Variants in CHST15 observed in about 807,000 individuals in gnomAD.
CHST15 encodes B cell RAG associated protein (GALNAC4S-6ST).
A neutral mutation model predicts 53.6 loss-of-function variants in CHST15; 30 were observed. The observed-to-expected ratio is 0.56, with a 90% confidence interval of 0.42 to 0.76. The LOEUF is 0.76. Among genes scored for constraint, CHST15 ranks in the 30% least tolerant of loss-of-function variants. CHST15 has a pLI of 0.00. For synonymous variants in CHST15, 296 were observed against 289.8 expected, an observed-to-expected ratio of 1.02 and a Z score of -0.22; for missense variants, 627 against 740.5, an observed-to-expected ratio of 0.85 and a Z score of 1.78.
rs528516917 is a variant in CHST15, at chr10:124,007,833, A to G, written c.*2316T>C. The stretch of plus-strand genomic sequence containing the variant: ...ACGGTCACAACTTTTGAGAACAAAA[A>G]GGAACTTCAATACCATGTTGTGAGA... On this transcript the variant is annotated 3_prime_UTR_variant, in exon 8 of 8. Transcript: ENST00000435907. The G allele has an allele frequency of 1.6e-5, 20 of 1,232,202 alleles. No homozygotes were observed. In the Admixed American group the frequency reaches 5.9e-4, roughly 36 times the overall value. 76.3% of individuals were successfully genotyped at this position (1,232,202 alleles called of 1,614,324 possible). A position where few individuals can be genotyped will look rare whatever the true frequency, so the allele number is the denominator to read the frequency against.
At chr10:124,090,341 C>T (rs1316852341) in intron 1 of CHST15, among the ~76,000 whole-genome samples, 4 of 152,222 alleles carry the variant, frequency 2.6e-5, no homozygotes, top group Non-Finnish European at 5.9e-5. Context: ...GGCATGTGCT[C>T]ACCTGTTCAG....
chr10:124,034,744 TCCACCCCCTAACAGGGACGCC>T, intron 5 of CHST15, among the ~76,000 whole-genome samples: 1 of 120,038 alleles, frequency 8.3e-6, no homozygotes, highest in Non-Finnish European at 1.7e-5. Context: ...GGACCCCGGC[TCCACCCCCTAACAGGGACGCC>T]GGCTCCACCC....
chr10:124,038,249 GGA>G (rs1564872577), intron 5 of CHST15, among the ~76,000 whole-genome samples: 3 of 151,982 alleles, frequency 2.0e-5, no homozygotes, highest in East Asian at 1.9e-4. Flanking sequence ...TGGGACTATA[GGA>G]GTGTGCCACC....
rs190772079 is a variant in CHST15, at chr10:124,035,109, C to T, written c.1190+3406G>A. On this transcript the variant is annotated intron_variant, in intron 5 of 7. Coordinates refer to ENST00000435907, the MANE Select transcript of CHST15 (RefSeq NM_001270764.2). Reference sequence around the variant, plus strand: ...CCGGCTCCACCCCTAACAGGGACCCCGGCTCCGCCCCCTAACAGGGACCCC... The same window carrying T: ...CCGGCTCCACCCCTAACAGGGACCCTGGCTCCGCCCCCTAACAGGGACCCC... Among the ~76,000 whole-genome samples, 710 of 128,620 alleles carry T rather than the reference C, an allele frequency of 5.5e-3. 18 individuals are homozygous for T. The highest frequency in any genetic ancestry group is 0.021 in the African/African-American group (663 of 32,114). The allele number at this position is 128,620 out of a possible 152,430, so 84.4% of individuals were successfully genotyped here.
rs1347497960 is a variant in CHST15, at chr10:124,019,337, C to G, written c.1347+1919G>C. Among the ~76,000 whole-genome samples the G allele has an allele frequency of 6.6e-6, 1 of 152,172 alleles. No homozygotes were observed. The highest frequency in any genetic ancestry group is 2.4e-5 in the African/African-American group (1 of 41,438). ...GACCGGGTGGGCTGCCCTGCCTGCTCTCTCAGACTCACTCCGTAGGGGTCC... is the reference window on the plus strand; with the variant it reads ...GACCGGGTGGGCTGCCCTGCCTGCTGTCTCAGACTCACTCCGTAGGGGTCC... On this transcript the variant is annotated intron_variant, in intron 6 of 7. Transcript: ENST00000435907. The surrounding 1 kb of genome is among the most constrained non-coding windows in gnomAD (Gnocchi z 4.6).
intron 1 of CHST15, among the ~76,000 whole-genome samples, chr10:124,082,464 C>T (rs753644923): frequency 6.6e-6 from 1 of 152,106 alleles, no homozygotes; most frequent in African/African-American, 2.4e-5. Flanking sequence ...ACAGGGGGAT[C>T]GGGATCCCAT....
intron 6 of CHST15, chr10:124,020,120 C>T (rs1357480549): frequency 1.0e-6 from 1 of 985,440 alleles, no homozygotes; most frequent in Admixed American, 6.1e-5. Context: ...ATTGCTGTGG[C>T]CCCAGGACCC....
At chr10:124,061,942 T>C (rs540180324) in intron 1 of CHST15, among the ~76,000 whole-genome samples, 90 of 152,096 alleles carry the variant, frequency 5.9e-4, no homozygotes, top group African/African-American at 2.1e-3. Flanking sequence ...CAAGCTGCAC[T>C]GTGTCCCCTC....
rs34389704 is a variant in CHST15 at position 124,044,776 on chromosome 10, G to C, written c.690C>G (p.Asp230Glu). Residue 230 changes from aspartate (D) to glutamate (E), a missense_variant, in exon 3 of 8, where the codon GAC becomes GAG. This residue lies in a region of CHST15 where 161 missense variants were observed against 117.2 expected (regional missense o/e 1.37). Coordinates refer to ENST00000435907, the MANE Select transcript of CHST15 (RefSeq NM_001270764.2). ...LYSKRFRSTFDALRKAFWGHL... is the reference protein window; with the variant it reads ...LYSKRFRSTFEALRKAFWGHL... Reference sequence around the variant, plus strand: ...GGCCCCAGAAGGCCTTGCGCAGGGCGTCGAAGGTGGAGCGGAAGCGCTTGG... The same window carrying C: ...GGCCCCAGAAGGCCTTGCGCAGGGCCTCGAAGGTGGAGCGGAAGCGCTTGG... The C allele has an allele frequency of 1.2e-3, 1,925 of 1,611,112 alleles. 19 individuals carry two copies. In the African/African-American group the frequency reaches 0.023, roughly 20 times the overall value.
intron 1 of CHST15, among the ~76,000 whole-genome samples, chr10:124,053,860 G>T (rs182230954): frequency 3.9e-5 from 6 of 152,068 alleles, no homozygotes; most frequent in African/African-American, 9.6e-5. Flanking sequence ...TTGAGGCTAC[G>T]GTGAGTTGTG....
chr10:124,042,345 G>A lies in CHST15; in HGVS notation c.989C>T (p.Ala330Val). The A allele has an allele frequency of 6.2e-7, 1 of 1,614,132 alleles. No homozygotes were observed. Among genetic ancestry groups the A allele is most frequent in the East Asian group, 2.2e-5 (1 of 44,890 alleles). Reference sequence around the variant, plus strand: ...CTTGCTCTGCTCCTTTGCAGAGCTGGCCTGCAGTCCTTGATGGATCTGGTG... The same window carrying A: ...CTTGCTCTGCTCCTTTGCAGAGCTGACCTGCAGTCCTTGATGGATCTGGTG... Reference protein sequence around the residue: ...AAHQIHQGLQASSAKEQSKMN... With the variant: ...AAHQIHQGLQVSSAKEQSKMN... The change falls in exon 4 of 8, where the codon GCC becomes GTC. Residue 330 changes from alanine to valine, a missense_variant. Physicochemically the swap from Ala to Val is moderately conservative, Grantham distance 64 (BLOSUM62 0). This residue lies in a region of CHST15 where 279 missense variants were observed against 371.6 expected (regional missense o/e 0.75). Transcript: ENST00000435907.
At chr10:124,014,999 G>A (rs553001225) in intron 6 of CHST15, among the ~76,000 whole-genome samples, 1 of 152,002 alleles carries the variant, frequency 6.6e-6, no homozygotes, top group Non-Finnish European at 1.5e-5. Context: ...GCCTCCTGGC[G>A]CTCGGCTGCT....
At chr10:124,011,023 C>T (rs1946400354) in intron 7 of CHST15, 4 of 985,140 alleles carry the variant, frequency 4.1e-6, no homozygotes, top group South Asian at 4.7e-5. Context: ...TGTCAGTCAC[C>T]GCCACGCCCC....
At position 124,009,878 on chromosome 10, in the gene CHST15, C is replaced by T. The variant is rs1033008499; in HGVS notation, c.*271G>A. 3 of 1,252,862 alleles carry T rather than the reference C, an allele frequency of 2.4e-6. No homozygotes were observed. Among genetic ancestry groups the T allele is most frequent in the African/African-American group, 3.1e-5 (2 of 64,122 alleles). The allele number at this position is 1,252,862 out of a possible 1,614,324, so 77.6% of individuals were successfully genotyped here. A position where few individuals can be genotyped will look rare whatever the true frequency, so the allele number is the denominator to read the frequency against. ...CAGTGCAGGCCAGCTGGCTGCATCC[C>T]CAAGCTCCAGGACGCTCAGAGCAGA... On this transcript the variant is annotated 3_prime_UTR_variant, in exon 8 of 8. Transcript: ENST00000435907.
chr10:124,017,101 G>A (rs1038730381), intron 6 of CHST15, among the ~76,000 whole-genome samples: 4 of 152,084 alleles, frequency 2.6e-5, no homozygotes, highest in Admixed American at 6.5e-5. Flanking sequence ...CAGACTGTAC[G>A]TGCATATTAG....
At chr10:124,044,489 C>T in intron 3 of CHST15, 91 bp downstream of exon 3, 1 of 1,092,370 alleles carries the variant, frequency 9.2e-7, no homozygotes, top group Non-Finnish European at 1.2e-6. Context: ...TTTCTGCCGC[C>T]CTCGCCCCCC....
intron 1 of CHST15, among the ~76,000 whole-genome samples, chr10:124,049,680 C>T (rs755839456): frequency 1.3e-5 from 2 of 152,222 alleles, no homozygotes; most frequent in Non-Finnish European, 2.9e-5. Flanking sequence ...CACCATACCT[C>T]GCCCCATGCG....
chr10:124,030,978 C>T (rs186215069), intron 5 of CHST15, among the ~76,000 whole-genome samples: 30 of 152,338 alleles, frequency 2.0e-4, no homozygotes, highest in Non-Finnish European at 3.7e-4. Context: ...CCACAAATAC[C>T]GGGTCCTTCC....
chr10:124,079,946 T>A (rs966028066), intron 1 of CHST15, among the ~76,000 whole-genome samples: 3 of 152,236 alleles, frequency 2.0e-5, no homozygotes, highest in Non-Finnish European at 4.4e-5. Flanking sequence ...TATTTCGGTC[T>A]TGTTTTTATG....
Sources: allele counts gnomAD v4.1 joint callset (sites outside exome capture counted in the v4.1 genomes callset), GRCh38; gene constraint gnomAD v4.1.1; regional missense constraint gnomAD v4.1.1; non-coding constraint Gnocchi (gnomAD v3.1); transcripts MANE v1.5; gene names NCBI Gene and HGNC (gene_info 2026-07-23, HGNC 2026-07-21).